The following KHDRBS2 variants were observed in gnomAD, a reference collection of about 807,000 sequenced individuals.
KHDRBS2 encodes the protein KH RNA binding domain containing, signal transduction associated 2.
In KHDRBS2, 26 loss-of-function variants were observed where a neutral mutation model predicts 44.3. The ratio of observed to expected loss-of-function variants is 0.59; its 90% CI spans 0.43 to 0.81. The LOEUF is 0.81. Ranked by LOEUF, KHDRBS2 falls within the 40% of genes least tolerant of loss-of-function variation. The probability of loss-of-function intolerance (pLI) is 0.00; values close to 1 mark genes in which losing one functional copy is unlikely to be tolerated. For synonymous variants in KHDRBS2, 194 were observed against 151.1 expected (o/e 1.28, Z -2.08); for missense variants, 476 against 433.1 (o/e 1.10, Z -0.88).
At chr6:61,904,221 A>T (rs1000420970) in intron 4 of KHDRBS2, among the ~76,000 whole-genome samples, 1 of 152,134 alleles carries the variant, frequency 6.6e-6, no homozygotes, top group African/African-American at 2.4e-5. Flanking sequence ...CGAATGTCAT[A>T]TCTGGTGTCA....
At chr6:61,743,430 A>T (rs1448568158) in intron 6 of KHDRBS2, among the ~76,000 whole-genome samples, 1 of 152,098 alleles carries the variant, frequency 6.6e-6, no homozygotes, top group Non-Finnish European at 1.5e-5. Flanking sequence ...TAGTTGCTTT[A>T]CTAAAGGCCT....
intron 2 of KHDRBS2, among the ~76,000 whole-genome samples, chr6:62,095,361 G>A (rs180975266): frequency 1.2e-3 from 178 of 151,732 alleles, no homozygotes; most frequent in Non-Finnish European, 6.9e-4. Flanking sequence ...TAATGGAGCC[G>A]TCCTATGCAG....
intron 2 of KHDRBS2, among the ~76,000 whole-genome samples, chr6:62,079,238 TG>T (rs1402406355): frequency 6.6e-6 from 1 of 151,982 alleles, no homozygotes; most frequent in East Asian, 1.9e-4. Flanking sequence ...AAATGAAAAG[TG>T]TTTTTTTCTA....
chr6:61,654,718 A>C, the KHDRBS2 span, among the ~76,000 whole-genome samples: 2 of 151,482 alleles, frequency 1.3e-5, no homozygotes, highest in Admixed American at 1.3e-4. Flanking sequence ...TAACAGGAGC[A>C]AGTCGTAACT....
intron 4 of KHDRBS2, among the ~76,000 whole-genome samples, chr6:61,920,599 CAA>C (rs1422756392): frequency 6.6e-6 from 1 of 151,854 alleles, no homozygotes; most frequent in Non-Finnish European, 1.5e-5. Flanking sequence ...TGGACTACAA[CAA>C]ATTATGAAAT....
the KHDRBS2 span, among the ~76,000 whole-genome samples, chr6:61,608,327 T>A: frequency 1.3e-4 from 7 of 53,812 alleles, no homozygotes; most frequent in Non-Finnish European, 2.3e-4. Context: ...TGTATATATA[T>A]ACATATGTGT....
At chr6:62,032,818 T>C (rs1784598575) in intron 3 of KHDRBS2, among the ~76,000 whole-genome samples, 1 of 151,856 alleles carries the variant, frequency 6.6e-6, no homozygotes, top group South Asian at 2.1e-4. Context: ...AAAGAATATC[T>C]ACTATCATTA....
chr6:62,088,992 G>A (rs1437901239), intron 2 of KHDRBS2, among the ~76,000 whole-genome samples: 4 of 152,074 alleles, frequency 2.6e-5, no homozygotes, highest in African/African-American at 7.2e-5. Context: ...CACCCAGTGT[G>A]AACTTCCAGG....
At chr6:61,765,228 G>A (rs1018040181) in intron 6 of KHDRBS2, among the ~76,000 whole-genome samples, 22 of 152,084 alleles carry the variant, frequency 1.4e-4, no homozygotes, top group African/African-American at 5.3e-4. Context: ...TGAGGTTGTA[G>A]GATTGTTTGA....
At chr6:61,655,166 A>G in the KHDRBS2 span, among the ~76,000 whole-genome samples, 1 of 151,566 alleles carries the variant, frequency 6.6e-6, no homozygotes, top group Non-Finnish European at 1.5e-5. Context: ...TATCCTGTGG[A>G]ATAGGAAGGT....
chr6:62,086,861 G>C (rs1278388357), intron 2 of KHDRBS2, among the ~76,000 whole-genome samples: 1 of 151,302 alleles, frequency 6.6e-6, no homozygotes, highest in Non-Finnish European at 1.5e-5. Flanking sequence ...TCTCCAAATT[G>C]ACAGGCAGGG....
chr6:62,091,413 T>A (rs1168795028), intron 2 of KHDRBS2, among the ~76,000 whole-genome samples: 1 of 152,178 alleles, frequency 6.6e-6, no homozygotes, highest in Non-Finnish European at 1.5e-5. Context: ...TAGTAATGTG[T>A]TTGAAGCTAC....
chr6:62,008,469 C>T (rs1355517423), intron 3 of KHDRBS2, among the ~76,000 whole-genome samples: 4 of 152,122 alleles, frequency 2.6e-5, no homozygotes, highest in African/African-American at 9.7e-5. Context: ...ACTATGATGG[C>T]TATGATTATC....
chr6:61,718,069 T>A (rs545322509), intron 7 of KHDRBS2, among the ~76,000 whole-genome samples: 48 of 152,026 alleles, frequency 3.2e-4, no homozygotes, highest in Non-Finnish European at 5.4e-4. Context: ...AGGAAAAAAA[T>A]ACCTGCTTCA....
At chr6:62,275,933 C>CA (rs1840866717) in intron 1 of KHDRBS2, among the ~76,000 whole-genome samples, 1 of 152,020 alleles carries the variant, frequency 6.6e-6, no homozygotes, top group African/African-American at 2.4e-5. Context: ...TGTATATGTT[C>CA]AAAAAAAGCA....
intron 4 of KHDRBS2, among the ~76,000 whole-genome samples, chr6:61,941,398 A>G (rs1008362006): frequency 1.3e-5 from 2 of 151,878 alleles, no homozygotes; most frequent in African/African-American, 4.8e-5. Context: ...CTGCCCACCC[A>G]CCCGCTACAT....
At chr6:62,084,501 A>G (rs1309464183) in intron 2 of KHDRBS2, among the ~76,000 whole-genome samples, 1 of 152,148 alleles carries the variant, frequency 6.6e-6, no homozygotes, top group Non-Finnish European at 1.5e-5. Flanking sequence ...AGACTCTTTC[A>G]GAGATTAGCA....
intron 6 of KHDRBS2, among the ~76,000 whole-genome samples, chr6:61,852,897 T>C (rs759576464): frequency 6.6e-6 from 1 of 152,182 alleles, no homozygotes; most frequent in Non-Finnish European, 1.5e-5. Context: ...ACCACCTACA[T>C]ATATAACAAT....
At chr6:61,684,374 A>AT (rs1292447358) in intron 8 of KHDRBS2, among the ~76,000 whole-genome samples, 1 of 151,894 alleles carries the variant, frequency 6.6e-6, no homozygotes, top group Non-Finnish European at 1.5e-5. Flanking sequence ...AAACATAGGG[A>AT]GAGACAAATC....
Sources: allele counts gnomAD v4.1 joint callset (sites outside exome capture counted in the v4.1 genomes callset), GRCh38; gene constraint gnomAD v4.1.1; transcripts MANE v1.5; gene names NCBI Gene and HGNC (gene_info 2026-07-23, HGNC 2026-07-21).